Variants in PTPN5 observed in about 807,000 individuals in gnomAD.
PTPN5 encodes the protein protein tyrosine phosphatase non-receptor type 5.
PTPN5 carries 29 observed loss-of-function variants against 73.9 expected under a neutral mutation model. The ratio of observed to expected loss-of-function variants is 0.39; its 90% CI spans 0.29 to 0.54. The LOEUF (loss-of-function observed/expected upper bound fraction) is 0.54, where lower values mean the gene tolerates loss of function less well. Ranked by LOEUF, PTPN5 falls within the 20% of genes least tolerant of loss-of-function variation. The probability of loss-of-function intolerance (pLI) is 0.65; values close to 1 mark genes in which losing one functional copy is unlikely to be tolerated. For synonymous variants in PTPN5, 267 were observed against 304.7 expected (o/e 0.88, Z 1.29); for missense variants, 652 against 751.4 (o/e 0.87, Z 1.55).
intron 3 of PTPN5, among the ~76,000 whole-genome samples, chr11:18,754,238 G>A (rs548412951): frequency 3.3e-4 from 51 of 152,256 alleles, no homozygotes; most frequent in African/African-American, 1.2e-3. Context: ...GGGAAACAAC[G>A]AACGGAAATT....
chr11:18,788,673 G>C (rs1329972802), intron 1 of PTPN5, among the ~76,000 whole-genome samples: 2 of 152,174 alleles, frequency 1.3e-5, no homozygotes, highest in Non-Finnish European at 2.9e-5. Context: ...TTTTTAAGGG[G>C]TTATCCGCCT....
chr11:18,761,142 T>C (rs1850368956), intron 3 of PTPN5, among the ~76,000 whole-genome samples: 1 of 152,214 alleles, frequency 6.6e-6, no homozygotes, highest in African/African-American at 2.4e-5. Flanking sequence ...AGGGTCTTTA[T>C]TGGCAGTCTG....
intron 2 of PTPN5, among the ~76,000 whole-genome samples, chr11:18,768,685 CTT>C (rs1482635868): frequency 6.6e-6 from 1 of 152,198 alleles, no homozygotes; most frequent in Non-Finnish European, 1.5e-5. Flanking sequence ...AGTAGCACCT[CTT>C]GACTGCAAAG....
intron 4 of PTPN5, 182 bp downstream of exon 4, chr11:18,743,824 T>G: frequency 3.0e-6 from 2 of 671,358 alleles, no homozygotes; most frequent in Non-Finnish European, 4.7e-6. Context: ...CAGATGCTGG[T>G]GCGGTAGCTC....
intron 1 of PTPN5, among the ~76,000 whole-genome samples, chr11:18,778,624 C>T (rs572025027): frequency 2.6e-5 from 4 of 152,302 alleles, no homozygotes; most frequent in East Asian, 1.9e-4. Context: ...TTCCTGCTTT[C>T]GCTGTGTGAT....
intron 9 of PTPN5, among the ~76,000 whole-genome samples, chr11:18,736,112 A>G (rs1849101461): frequency 6.6e-6 from 1 of 152,152 alleles, no homozygotes; most frequent in Non-Finnish European, 1.5e-5. Context: ...GAGGATGTAG[A>G]TTTGAGAGAT....
At position 18,744,181 on chromosome 11, in the gene PTPN5, A is replaced by G. The variant is rs367543234; in HGVS notation, c.116T>C (p.Val39Ala). Residue 39 changes from valine to alanine, a missense_variant, in exon 4 of 15, where the codon GTG becomes GCG. By Grantham distance (64) the Val-to-Ala change is moderately conservative. Transcript: ENST00000358540. Reference protein sequence around the residue: ...ERLPGLPQPIVMEALDEAEGL... With the variant: ...ERLPGLPQPIAMEALDEAEGL... Reference sequence around the variant, plus strand: ...TTCAGCCTCGTCCAGTGCCTCCATCACTATCGGCTGGGGGAGACCTGTGGA... The same window carrying G: ...TTCAGCCTCGTCCAGTGCCTCCATCGCTATCGGCTGGGGGAGACCTGTGGA... 19 of 1,569,912 alleles carry G rather than the reference A, an allele frequency of 1.2e-5. No homozygotes were observed. The African/African-American group carries it at 2.5e-4, about 21-fold the overall frequency.
At chr11:18,775,986 T>C (rs1590606848) in intron 1 of PTPN5, among the ~76,000 whole-genome samples, 1 of 152,206 alleles carries the variant, frequency 6.6e-6, no homozygotes, top group East Asian at 1.9e-4. Flanking sequence ...ATGCTGTGGA[T>C]GGTCCTACCT....
chr11:18,732,166 G>A (rs1848905688), intron 12 of PTPN5, among the ~76,000 whole-genome samples: 1 of 152,176 alleles, frequency 6.6e-6, no homozygotes, highest in Non-Finnish European at 1.5e-5. Flanking sequence ...GACAGATTGG[G>A]CACTACAGGC....
In PTPN5 at chr11:18,733,300, GC is replaced by G; in HGVS notation, c.1152del (p.Trp384CysfsTer14). On this transcript the variant is annotated frameshift_variant, in exon 11 of 15. Transcript: ENST00000358540. LOFTEE classifies it high-confidence loss of function. This position sits in a 1 kb window ranked among gnomAD's most constrained non-coding sequence, Gnocchi z 4.3. Reference protein sequence around the residue: ...GPIVSTVADFWRMVWQEHTPI... With the variant: ...GPIVSTVADFXRMVWQEHTPI... ...GGCGTGTGCTCCTGCCACACCATGC[GC>G]CAGAAGTCGGCGACCGTGCTGACGA... 6.2e-7 allele frequency: 1 copy of G among 1,614,108 alleles called. No homozygotes were observed. Among genetic ancestry groups the G allele is most frequent in the Non-Finnish European group, 8.5e-7 (1 of 1,180,002 alleles).
At chr11:18,740,365 A>C (rs1849307904) in intron 8 of PTPN5, 1 of 364,146 alleles carries the variant, frequency 2.7e-6, no homozygotes, top group Non-Finnish European at 4.9e-6. Flanking sequence ...TGCTCTGCAC[A>C]TGTTATAAGT....
chr11:18,761,130 C>T (rs749853867), intron 3 of PTPN5, among the ~76,000 whole-genome samples: 2 of 152,136 alleles, frequency 1.3e-5, no homozygotes, highest in African/African-American at 2.4e-5. Context: ...TGGTATACTG[C>T]GAGGGTCTTT....
At chr11:18,781,324 T>C (rs867154129) in intron 1 of PTPN5, among the ~76,000 whole-genome samples, 1 of 29,146 alleles carries the variant, frequency 3.4e-5, no homozygotes, top group Non-Finnish European at 7.4e-5. Context: ...TTTTGACCAC[T>C]TTTTTTTTTT....
At chr11:18,789,524 G>A (rs1851818764) in intron 1 of PTPN5, among the ~76,000 whole-genome samples, 1 of 152,174 alleles carries the variant, frequency 6.6e-6, no homozygotes, top group Admixed American at 6.5e-5. Flanking sequence ...TGAAGTCTGT[G>A]TAAACTTCAT....
At chr11:18,739,658 G>C (rs1256631028) in intron 8 of PTPN5, among the ~76,000 whole-genome samples, 1 of 152,224 alleles carries the variant, frequency 6.6e-6, no homozygotes, top group African/African-American at 2.4e-5. Context: ...CAAAGGAAGG[G>C]AGCTATGAGG....
chr11:18,771,947 C>A lies in PTPN5; in HGVS notation c.12G>T (p.Glu4Asp). The A allele has an allele frequency of 6.3e-7, 1 of 1,585,300 alleles. No homozygotes were observed. The highest frequency in any genetic ancestry group is 1.4e-5 in the African/African-American group (1 of 73,028). The change falls in exon 2 of 15, where the codon GAG (glutamate) becomes GAT (aspartate). Residue 4 changes from glutamate (E) to aspartate (D), a missense_variant. Glu to Asp is a conservative substitution (Grantham distance 45, BLOSUM62 2). Transcript: ENST00000358540. MNY[E>D]GARSERENHA... Reference sequence around the variant, plus strand: ...CGTAAACGCTCACTCACCTGGCTCCCTCATAATTCATTCCCAAGGTGTCTG... The same window carrying A: ...CGTAAACGCTCACTCACCTGGCTCCATCATAATTCATTCCCAAGGTGTCTG...
chr11:18,759,919 G>A (rs1011948825), intron 3 of PTPN5, among the ~76,000 whole-genome samples: 2 of 140,956 alleles, frequency 1.4e-5, no homozygotes, highest in African/African-American at 5.5e-5. Context: ...GGGGCTAGCA[G>A]ATCAGGGATG....
At chr11:18,758,792 G>A (rs1850263414) in intron 3 of PTPN5, among the ~76,000 whole-genome samples, 1 of 152,096 alleles carries the variant, frequency 6.6e-6, no homozygotes, top group African/African-American at 2.4e-5. Flanking sequence ...GGAGTACGAT[G>A]GATGTCCATT....
chr11:18,783,552 G>C (rs901541941), intron 1 of PTPN5, among the ~76,000 whole-genome samples: 13 of 152,220 alleles, frequency 8.5e-5, no homozygotes, highest in Non-Finnish European at 1.6e-4. Context: ...GTGCGTACCT[G>C]AAATAGAGTT....
Sources: gnomAD v4.1 joint callset for allele counts (sites outside exome capture counted in the v4.1 genomes callset) on GRCh38, gnomAD v4.1.1 for gene constraint, Gnocchi (gnomAD v3.1) non-coding constraint, MANE v1.5 for transcripts, NCBI Gene and HGNC (gene_info 2026-07-23, HGNC 2026-07-21) for gene names.